The following LMO7 variants were observed in gnomAD, a reference collection of about 807,000 sequenced individuals.
LMO7 encodes the protein LIM domain 7, also known as LIM domain only protein 7.
A neutral mutation model predicts 206.5 loss-of-function variants in LMO7; 120 were observed. The ratio of observed to expected loss-of-function variants is 0.58; its 90% confidence interval spans 0.50 to 0.68. LMO7 has a LOEUF of 0.68. LMO7 is among the 30% of genes least tolerant of loss of function. The pLI is 0.00. For synonymous variants in LMO7, 706 were observed against 681.5 expected (o/e 1.04, Z -0.56); for missense variants, 1,959 against 1,957.9 (o/e 1.00, Z -0.01).
chr13:75,640,982 A>G (rs1279257136), intron 1 of LMO7, among the ~76,000 whole-genome samples: 3 of 152,226 alleles, frequency 2.0e-5, no homozygotes, highest in Non-Finnish European at 2.9e-5. Context: ...ACATTTAGTC[A>G]TCTCAAAAAT....
intron 11 of LMO7, among the ~76,000 whole-genome samples, chr13:75,810,010 T>C (rs760552483): frequency 5.9e-5 from 9 of 152,216 alleles, no homozygotes; most frequent in Middle Eastern, 3.4e-3. Flanking sequence ...TTTTGTATTT[T>C]TAGTAGAGAC....
In LMO7 at chr13:75,842,000, A is replaced by G. The variant is rs767764935; in HGVS notation, c.4031+17A>G. The G allele has an allele frequency of 5.3e-5, 84 of 1,577,896 alleles. No individual in the cohort carries two copies. The highest frequency in any genetic ancestry group is 7.8e-6 in the Non-Finnish European group (9 of 1,153,492). On this transcript the variant is annotated intron_variant, in intron 24 of 30. Transcript: ENST00000377534. ...GTACAGGAGGTATGTCCCCACAGCC[A>G]GAGGGTACAAAGGCTTAGCTGTATC...
At chr13:75,799,261 C>T (rs932348132) in intron 6 of LMO7, among the ~76,000 whole-genome samples, 1 of 152,218 alleles carries the variant, frequency 6.6e-6, no homozygotes. Flanking sequence ...ACTGCAAACT[C>T]TTCAGCTTTT....
chr13:75,728,989 C>T (rs1420338840), intron 3 of LMO7, among the ~76,000 whole-genome samples: 1 of 152,052 alleles, frequency 6.6e-6, no homozygotes, highest in Non-Finnish European at 1.5e-5. Context: ...GTCTATATCT[C>T]TGTTTTGGTA....
intron 3 of LMO7, among the ~76,000 whole-genome samples, chr13:75,739,899 G>A (rs546452328): frequency 6.6e-6 from 1 of 152,240 alleles, no homozygotes; most frequent in East Asian, 1.9e-4. Flanking sequence ...TGGAGCTTGT[G>A]GGCCCTTTCC....
chr13:75,733,027 G>C (rs1249872801), intron 3 of LMO7, among the ~76,000 whole-genome samples: 2 of 152,180 alleles, frequency 1.3e-5, no homozygotes, highest in East Asian at 3.9e-4. Context: ...GTGTCAGTCT[G>C]CCCCTACTGG....
Position 75,636,604 on chromosome 13 carries a change from C to T in LMO7, c.-54C>T. ...CCCGTGGGGCCCAGACGCGCGGGGA[C>T]AACCCCTCCCCTCCACGCATCCCGA... On this transcript the variant is annotated 5_prime_UTR_variant, in exon 1 of 31. Coordinates refer to ENST00000377534, the MANE Select transcript of LMO7 (RefSeq NM_001306080.2). The T allele has an allele frequency of 6.5e-7, 1 of 1,544,902 alleles. No individual in the cohort carries two copies. Among genetic ancestry groups the T allele is most frequent in the South Asian group, 1.2e-5 (1 of 84,036 alleles).
At chr13:75,783,734 T>C (rs1244884391) in intron 4 of LMO7, among the ~76,000 whole-genome samples, 1 of 152,200 alleles carries the variant, frequency 6.6e-6, no homozygotes, top group South Asian at 2.1e-4. Flanking sequence ...TTGTAATTCT[T>C]CCTGCATTTA....
Position 75,835,274 on chromosome 13 carries a change from T to A in LMO7, c.3268T>A (p.Tyr1090Asn), listed in dbSNP as rs760953938. 2.5e-6 allele frequency: 4 copies of A among 1,611,366 alleles called. No individual in the cohort carries two copies. The African/African-American group carries it at 5.4e-5, about 22-fold the overall frequency. Residue 1090 changes from tyrosine to asparagine, a missense_variant, in exon 18 of 31, where the codon TAC (tyrosine) becomes AAC (asparagine). Physicochemically the swap from Tyr to Asn is moderately radical, Grantham distance 143. Coordinates refer to ENST00000377534, the MANE Select transcript of LMO7 (RefSeq NM_001306080.2). ...TKWIDATSGIYNSEKSSNLSV... is the reference protein window; with the variant it reads ...TKWIDATSGINNSEKSSNLSV... The stretch of plus-strand genomic sequence containing the variant: ...GTGGATTGATGCAACTTCTGGAATT[T>A]ACAACTCAGAAAAATCTTCAAATCT...
At position 75,690,467 on chromosome 13, in the gene LMO7, ATCTG is replaced by A. The variant is rs143065136; in HGVS notation, c.70-22710_70-22707del. ...TGCTGTGATAAATATATATATTTGT[ATCTG>A]TCTGAGTACTAGGTTTGGCACCAAT... On this transcript the variant is annotated intron_variant, in intron 1 of 30. Transcript: ENST00000377534. Among the ~76,000 whole-genome samples, 739 of 152,300 alleles carry A rather than the reference ATCTG, an allele frequency of 4.9e-3. 8 individuals are homozygous for A. The highest frequency in any genetic ancestry group is 0.017 in the African/African-American group (693 of 41,546).
At position 75,821,167 on chromosome 13, in the gene LMO7, C is replaced by T. The variant is rs189482575; in HGVS notation, c.2208-10C>T. 2.7e-4 allele frequency: 434 copies of T among 1,578,582 alleles called. 2 individuals are homozygous for T. The African/African-American group carries it at 3.9e-3, about 14-fold the overall frequency. ...GTCTTTGTGGTGATGGTGCATTTCT[C>T]TCCGCTAAGGGAATCCCAAAATCAA... On this transcript the variant is annotated splice_polypyrimidine_tract_variant and intron_variant, in intron 13 of 30. Transcript: ENST00000377534.
chr13:75,623,344 AG>A (rs1185484174), intron 2 of LMO7: 5 of 1,259,670 alleles, frequency 4.0e-6, no homozygotes, highest in Admixed American at 1.7e-5. Flanking sequence ...GTATTTTCTA[AG>A]GCAGAATCAG....
At chr13:75,735,263 T>A (rs1277400707) in intron 3 of LMO7, among the ~76,000 whole-genome samples, 1 of 151,752 alleles carries the variant, frequency 6.6e-6, no homozygotes, top group Non-Finnish European at 1.5e-5. Context: ...ACTCACCCCC[T>A]CTTCAGGAGG....
chr13:75,644,139 G>GTT lies in LMO7; in HGVS notation c.69+7422_69+7423dup, dbSNP rs113811916. On this transcript the variant is annotated intron_variant, in intron 1 of 30. Transcript: ENST00000377534. ...ATAGCGAGTTACCTGCTAGTGAAGT[G>GTT]TTTTTTTTTTAAGAGAAGCTGAAAA... 8.8e-3 allele frequency among the ~76,000 whole-genome samples: 1,311 copies of GTT among 148,186 alleles called. 16 individuals are homozygous for GTT. Among genetic ancestry groups the GTT allele is most frequent in the African/African-American group, 0.03 (1,200 of 40,386 alleles).
In LMO7 at chr13:75,622,030, T is replaced by C. The variant is rs547560320; in HGVS notation, c.175+162T>C. Among the ~76,000 whole-genome samples the C allele has an allele frequency of 5.9e-5, 9 of 152,352 alleles. No individual in the cohort carries two copies. The South Asian group carries it at 1.7e-3, about 28-fold the overall frequency. ...CTGAGATAAAATTAAGTCAACTTTG[T>C]AGACTATCCCCGGGCATTTTCTTGT... On this transcript the variant is annotated intron_variant, in intron 1 of 29. Coordinates refer to the LMO7 transcript ENST00000341547.
chr13:75,776,441 T>C (rs966017817), intron 4 of LMO7, among the ~76,000 whole-genome samples: 12 of 151,710 alleles, frequency 7.9e-5, no homozygotes, highest in Non-Finnish European at 1.2e-4. Flanking sequence ...TATACTCTAT[T>C]GAAACTGTAA....
chr13:75,714,013 A>G (rs139184019), intron 2 of LMO7, among the ~76,000 whole-genome samples: 27 of 152,320 alleles, frequency 1.8e-4, no homozygotes, highest in African/African-American at 5.8e-4. Context: ...ACTCACCCAC[A>G]TTTTTGAAAG....
At chr13:75,744,835 G>A (rs577075006) in intron 3 of LMO7, among the ~76,000 whole-genome samples, 10 of 152,174 alleles carry the variant, frequency 6.6e-5, no homozygotes, top group African/African-American at 2.4e-4. Flanking sequence ...CCATGGAGTG[G>A]GGGGTTGCAG....
At position 75,805,070 on chromosome 13, in the gene LMO7, G is replaced by A. The variant is rs146550585; in HGVS notation, c.915-409G>A. Reference sequence around the variant, plus strand: ...AAAAGAGGCCCCAGAATTTCATCTCGAAAATCACCTATCCTAATTCTTGTC... The same window carrying A: ...AAAAGAGGCCCCAGAATTTCATCTCAAAAATCACCTATCCTAATTCTTGTC... On this transcript the variant is annotated intron_variant, in intron 8 of 30. Transcript: ENST00000377534. The A allele has an allele frequency of 6.7e-5, 67 of 1,004,786 alleles. No homozygotes were observed. In the East Asian group the frequency reaches 1.1e-3, roughly 17 times the overall value. 62.2% of individuals were successfully genotyped at this position (1,004,786 alleles called of 1,614,324 possible). A position where few individuals can be genotyped will look rare whatever the true frequency, so the allele number is the denominator to read the frequency against.
Sources: gnomAD v4.1 joint callset for allele counts (sites outside exome capture counted in the v4.1 genomes callset) on GRCh38, gnomAD v4.1.1 for gene constraint, MANE v1.5 for transcripts, NCBI Gene and HGNC (gene_info 2026-07-23, HGNC 2026-07-21) for gene names.